GSE1: variants seen among roughly 807,000 people sequenced by gnomAD.
GSE1 encodes Gse1 coiled-coil protein, also known as genetic suppressor element 1.
GSE1 carries 32 observed loss-of-function variants against 112.6 expected under a neutral mutation model. The ratio of observed to expected loss-of-function variants is 0.28; its 90% CI spans 0.21 to 0.38. The LOEUF (loss-of-function observed/expected upper bound fraction) is 0.38. Ranked by LOEUF, GSE1 falls within the 10% of genes least tolerant of loss-of-function variation. The pLI is 1.00. For missense variants in GSE1, 2,348 were observed against 1,699.2 expected (o/e 1.38, Z -6.71); for synonymous variants, 1,115 against 735.6 (o/e 1.52, Z -8.35).
chr16:85,203,963 G>C (rs1040603095), intron 1 of GSE1, among the ~76,000 whole-genome samples: 10 of 152,136 alleles, frequency 6.6e-5, no homozygotes, highest in African/African-American at 2.4e-4. Context: ...TAGAGACGAG[G>C]TCTCACTATG....
At chr16:85,468,236 A>G (rs1156481774) in intron 2 of GSE1, among the ~76,000 whole-genome samples, 1 of 151,282 alleles carries the variant, frequency 6.6e-6, no homozygotes, top group Non-Finnish European at 1.5e-5. Context: ...TGGGCAAGGT[A>G]TGAAGCTCTC....
At chr16:85,559,382 C>G (rs1457853286) in intron 1 of GSE1, among the ~76,000 whole-genome samples, 1 of 152,236 alleles carries the variant, frequency 6.6e-6, no homozygotes. Flanking sequence ...GGTCCAGGTG[C>G]AGCAGCCAGC....
intron 1 of GSE1, among the ~76,000 whole-genome samples, chr16:85,563,704 G>T (rs1456741533): frequency 6.6e-6 from 1 of 152,250 alleles, no homozygotes; most frequent in Non-Finnish European, 1.5e-5. Context: ...GCCGCCCAGT[G>T]GGCATTTGGC....
chr16:85,191,214 T>G (rs1387277598), intron 1 of GSE1, among the ~76,000 whole-genome samples: 1 of 152,094 alleles, frequency 6.6e-6, no homozygotes, highest in African/African-American at 2.4e-5. Context: ...GAGCCAAGAT[T>G]GCACCACTGC....
chr16:85,444,596 C>A (rs1302235707), intron 2 of GSE1, among the ~76,000 whole-genome samples: 2 of 152,260 alleles, frequency 1.3e-5, no homozygotes, highest in South Asian at 4.1e-4. Context: ...CTTGGCAGTG[C>A]CCTGGTTGCA....
intron 1 of GSE1, among the ~76,000 whole-genome samples, chr16:85,337,456 C>T (rs2046521908): frequency 6.6e-6 from 1 of 151,998 alleles, no homozygotes; most frequent in Admixed American, 6.6e-5. Context: ...CAGGCGCCCG[C>T]CACCACGCCC....
At chr16:85,535,031 G>A (rs1475908208) in intron 2 of GSE1, among the ~76,000 whole-genome samples, 1 of 152,192 alleles carries the variant, frequency 6.6e-6, no homozygotes, top group African/African-American at 2.4e-5. Flanking sequence ...CTGATTGTGC[G>A]GGACTGTCTC....
intron 1 of GSE1, among the ~76,000 whole-genome samples, chr16:85,351,073 C>G (rs956129486): frequency 8.5e-5 from 13 of 152,320 alleles, no homozygotes; most frequent in African/African-American, 2.6e-4. Context: ...AAAAGGAAAC[C>G]AAGGCCTGGA....
intron 1 of GSE1, among the ~76,000 whole-genome samples, chr16:85,347,124 G>C (rs2046759836): frequency 6.6e-6 from 1 of 152,148 alleles, no homozygotes. Context: ...TGGCTGGCAG[G>C]GCTGTACACC....
intron 11 of GSE1, among the ~76,000 whole-genome samples, chr16:85,663,873 G>A (rs1022061605): frequency 6.6e-6 from 1 of 152,264 alleles, no homozygotes; most frequent in Non-Finnish European, 1.5e-5. Flanking sequence ...ATCTCCCAGC[G>A]CCCGAGAAGG....
rs139051671 is a variant in GSE1, at chr16:85,645,799, A to G, written c.227-2753A>G. Among the ~76,000 whole-genome samples, 119 of 152,288 alleles carry G rather than the reference A, an allele frequency of 7.8e-4. 1 individual carries two copies. The highest frequency in any genetic ancestry group is 2.6e-3 in the African/African-American group (107 of 41,550). ...GGTCCTCCTTCTGGAAAGGGCATCT[A>G]CCTGCTTCTACCACGCATTCTACCT... On this transcript the variant is annotated intron_variant, in intron 2 of 15. Transcript: ENST00000253458.
chr16:85,298,843 G>A (rs1223965861), intron 1 of GSE1, among the ~76,000 whole-genome samples: 1 of 152,244 alleles, frequency 6.6e-6, no homozygotes, highest in African/African-American at 2.4e-5. Flanking sequence ...AGATGGGCTA[G>A]AACTTTCGGG....
chr16:85,379,358 G>T (rs1239329287), intron 2 of GSE1, among the ~76,000 whole-genome samples: 1 of 152,224 alleles, frequency 6.6e-6, no homozygotes, highest in Non-Finnish European at 1.5e-5. Flanking sequence ...CTAGAATGGT[G>T]CCTGGCCCCG....
chr16:85,613,344 C>A lies in GSE1; in HGVS notation c.-48C>A. The stretch of plus-strand genomic sequence containing the variant: ...AGCAGTTTAGACAAACACTGGGCGA[C>A]GGTGGCTCCAGCATGTATCAGCCGA... On this transcript the variant is annotated 5_prime_UTR_variant, in exon 1 of 16. Transcript: ENST00000253458. The A allele has an allele frequency of 6.4e-7, 1 of 1,563,336 alleles. No homozygotes were observed. Among genetic ancestry groups the A allele is most frequent in the South Asian group, 1.2e-5 (1 of 85,042 alleles).
At chr16:85,475,791 T>TAAA in intron 2 of GSE1, among the ~76,000 whole-genome samples, 1 of 148,010 alleles carries the variant, frequency 6.8e-6, no homozygotes, top group Non-Finnish European at 1.5e-5. Context: ...TTTTTTTTTT[T>TAAA]TTTTTTTTTA....
intron 2 of GSE1, among the ~76,000 whole-genome samples, chr16:85,532,983 G>A (rs116104996): frequency 0.034 from 5,116 of 152,256 alleles, 191 homozygotes; most frequent in African/African-American, 0.095. Context: ...AAACCAGCCC[G>A]CTCCCTACCT....
intron 2 of GSE1, among the ~76,000 whole-genome samples, chr16:85,524,567 C>T (rs978990348): frequency 6.6e-6 from 1 of 152,046 alleles, no homozygotes; most frequent in African/African-American, 2.4e-5. Context: ...GGGTGGGGTC[C>T]AGGGGGAGCC....
At chr16:85,614,150 C>T (rs1368877300) in intron 1 of GSE1, among the ~76,000 whole-genome samples, 3 of 151,090 alleles carry the variant, frequency 2.0e-5, no homozygotes. Flanking sequence ...TGCACATCCG[C>T]CGCCCCCCAC....
intron 1 of GSE1, chr16:85,595,328 C>T (rs1274689608): frequency 2.0e-5 from 3 of 152,308 alleles, no homozygotes; most frequent in African/African-American, 7.2e-5. Context: ...CATCCTTTCT[C>T]TGCATCCTTT....
Sources: allele counts gnomAD v4.1 joint callset (sites outside exome capture counted in the v4.1 genomes callset), GRCh38; gene constraint gnomAD v4.1.1; transcripts MANE v1.5; gene names NCBI Gene and HGNC (gene_info 2026-07-23, HGNC 2026-07-21).